ZNF829: variants seen among roughly 807,000 people sequenced by gnomAD.
The protein encoded by ZNF829 is zinc finger protein 829.
In ZNF829, 25 loss-of-function variants were observed where a neutral mutation model predicts 35.2. That is an observed-to-expected ratio of 0.71 (90% CI 0.52 to 0.99). ZNF829 has a LOEUF of 0.99. Ranked by LOEUF, ZNF829 falls within the 50% of genes least tolerant of loss-of-function variation. ZNF829 has a pLI of 0.00. For synonymous variants in ZNF829, 136 were observed against 163.2 expected (o/e 0.83, Z 1.27); for missense variants, 417 against 515.3 (o/e 0.81, Z 1.85).
At chr19:36,903,900 C>A (rs2073193878) in intron 5 of ZNF829, among the ~76,000 whole-genome samples, 6 of 151,772 alleles carry the variant, frequency 4.0e-5, no homozygotes, top group South Asian at 4.2e-4. Flanking sequence ...CTTAAAAAAA[C>A]CAATTGTTCC....
In ZNF829 at chr19:36,907,946, G is replaced by T. The variant is rs912063975; in HGVS notation, c.302C>A (p.Thr101Asn). Residue 101 changes from threonine to asparagine, a missense_variant, in exon 5 of 6, where the codon ACT (threonine) becomes AAT (asparagine). By Grantham distance (65) the Thr-to-Asn change is moderately conservative. Transcript: ENST00000391711. ...TTACTTACCTGAACACAGGCCTCTA[G>T]TCAGCTCTCTATCAACCATCCAGGG... ...KEPWMVDREL[T>N]RGLCSDLESM... 10 of 1,613,822 alleles carry T rather than the reference G, an allele frequency of 6.2e-6. No individual in the cohort carries two copies. The highest frequency in any genetic ancestry group is 8.5e-6 in the Non-Finnish European group (10 of 1,179,904).
intron 3 of ZNF829, chr19:36,912,690 T>C (rs569181488): frequency 6.6e-6 from 1 of 152,312 alleles, no homozygotes; most frequent in South Asian, 2.1e-4. Flanking sequence ...GAAAACAAAT[T>C]TTATTTCTTT....
chr19:36,902,758 G>A (rs548560041), intron 5 of ZNF829, among the ~76,000 whole-genome samples: 19 of 152,184 alleles, frequency 1.2e-4, no homozygotes, highest in East Asian at 9.7e-4. Context: ...CTGTTGGGCC[G>A]GGTGCAGTGG....
At chr19:36,899,126 C>T (rs2073138685) in intron 5 of ZNF829, among the ~76,000 whole-genome samples, 1 of 151,982 alleles carries the variant, frequency 6.6e-6, no homozygotes, top group Non-Finnish European at 1.5e-5. Context: ...GACTAATATC[C>T]AGAATTAACA....
chr19:36,911,863 A>G (rs2073267146), intron 3 of ZNF829, among the ~76,000 whole-genome samples: 1 of 152,210 alleles, frequency 6.6e-6, no homozygotes, highest in Admixed American at 6.5e-5. Context: ...GAAGTGTATG[A>G]CAGATGTCAT....
chr19:36,900,269 G>A (rs2073153991), intron 5 of ZNF829, among the ~76,000 whole-genome samples: 1 of 150,906 alleles, frequency 6.6e-6, no homozygotes, highest in African/African-American at 2.4e-5. Flanking sequence ...AGAATCACTT[G>A]AACCTGGGAG....
At chr19:36,910,177 C>T (rs936951668) in intron 3 of ZNF829, among the ~76,000 whole-genome samples, 1 of 151,918 alleles carries the variant, frequency 6.6e-6, no homozygotes, top group South Asian at 2.1e-4. Flanking sequence ...CTCCACCTCC[C>T]GGGTTCAAGC....
chr19:36,901,052 G>A (rs1043077139), intron 5 of ZNF829, among the ~76,000 whole-genome samples: 4 of 152,072 alleles, frequency 2.6e-5, no homozygotes, highest in Non-Finnish European at 4.4e-5. Flanking sequence ...GAAAGCTTAT[G>A]TCCACACAAA....
chr19:36,895,233 A>C (rs1411352639), intron 5 of ZNF829, among the ~76,000 whole-genome samples: 1 of 152,218 alleles, frequency 6.6e-6, no homozygotes, highest in African/African-American at 2.4e-5. Context: ...CATCCTTCAA[A>C]AATGAAGGAG....
Position 36,891,320 on chromosome 19 carries a change from A to G in ZNF829, c.*172T>C. The stretch of plus-strand genomic sequence containing the variant: ...CAGGCTCTAAACTATGAGAGAATAA[A>G]TTTCTCTTGTTTTAAGCCACCAAGG... On this transcript the variant is annotated 3_prime_UTR_variant, in exon 6 of 6. Transcript: ENST00000391711. 1.7e-6 allele frequency: 1 copy of G among 603,920 alleles called. No homozygotes were observed. Among genetic ancestry groups the G allele is most frequent in the Non-Finnish European group, 2.6e-6 (1 of 378,280 alleles). The allele number at this position is 603,920 out of a possible 1,614,324, so 37.4% of individuals were successfully genotyped here.
In ZNF829 at chr19:36,892,401, G is replaced by A; in HGVS notation, c.390C>T (p.Thr130=). The part of the protein sequence containing the change: ...KKRHFSQVII[T]REDMSTFIQP... The stretch of plus-strand genomic sequence containing the variant: ...GAATAAAAGTAGACATGTCTTCACG[G>A]GTAATTATTACTTGACTGAAATGTC... The change falls in exon 6 of 6, where the codon ACC becomes ACT. Residue 130 remains threonine, a synonymous_variant. Coordinates refer to ENST00000391711, the MANE Select transcript of ZNF829 (RefSeq NM_001037232.4). The A allele has an allele frequency of 1.9e-6, 3 of 1,611,778 alleles. No homozygotes were observed. The highest frequency in any genetic ancestry group is 2.5e-6 in the Non-Finnish European group (3 of 1,179,702).
chr19:36,901,768 GA>G, intron 5 of ZNF829: 1 of 552,206 alleles, frequency 1.8e-6, no homozygotes, highest in Admixed American at 2.6e-5. Context: ...AGGGTGGTGA[GA>G]AGAAAAAGGG....
chr19:36,893,269 GC>G (rs1676202671), intron 5 of ZNF829, among the ~76,000 whole-genome samples: 1 of 152,146 alleles, frequency 6.6e-6, no homozygotes, highest in South Asian at 2.1e-4. Context: ...CATGATATGG[GC>G]TAGGAACTCA....
intron 4 of ZNF829, 142 bp from the exon 5 acceptor site, chr19:36,908,166 C>T: frequency 8.5e-7 from 1 of 1,180,060 alleles, no homozygotes; most frequent in Middle Eastern, 2.6e-4. Flanking sequence ...AGCCACAGCC[C>T]ATTGGAGCTG....
chr19:36,915,060 G>T (rs770763243), intron 2 of ZNF829, 38 bp from the exon 3 acceptor site: 2 of 1,614,078 alleles, frequency 1.2e-6, no homozygotes, highest in Non-Finnish European at 1.7e-6. Context: ...AAGAGTAACT[G>T]TGAGACACCA....
chr19:36,894,177 C>T (rs1489568787), intron 5 of ZNF829, among the ~76,000 whole-genome samples: 1 of 152,184 alleles, frequency 6.6e-6, no homozygotes, highest in East Asian at 1.9e-4. Context: ...GAGGAACTCA[C>T]AGACACTGCT....
chr19:36,910,640 GCAGGCCCTT>G (rs2073256196), intron 3 of ZNF829, among the ~76,000 whole-genome samples: 1 of 152,076 alleles, frequency 6.6e-6, no homozygotes, highest in African/African-American at 2.4e-5. Context: ...TTCCAGATAT[GCAGGCCCTT>G]CCCCATACCT....
intron 5 of ZNF829, among the ~76,000 whole-genome samples, chr19:36,904,754 A>T (rs997198083): frequency 5.8e-4 from 89 of 152,258 alleles, no homozygotes; most frequent in African/African-American, 2.1e-3. Flanking sequence ...AACTCTGTAA[A>T]TATATTACTT....
At chr19:36,904,986 G>C (rs948781230) in intron 5 of ZNF829, among the ~76,000 whole-genome samples, 8 of 152,110 alleles carry the variant, frequency 5.3e-5, no homozygotes, top group Non-Finnish European at 1.0e-4. Flanking sequence ...TAGGTTCCTA[G>C]AGCTTTGTTA....
Sources: gnomAD v4.1 joint callset for allele counts (sites outside exome capture counted in the v4.1 genomes callset) on GRCh38, gnomAD v4.1.1 for gene constraint, MANE v1.5 for transcripts, NCBI Gene and HGNC (gene_info 2026-07-23, HGNC 2026-07-21) for gene names.